CACNA2D1: variants seen among roughly 807,000 people sequenced by gnomAD.
The protein encoded by CACNA2D1 is calcium voltage-gated channel auxiliary subunit alpha2delta 1, also known as voltage-dependent calcium channel subunit alpha-2/delta-1.
CACNA2D1 carries 53 observed loss-of-function variants against 171.5 expected under a neutral mutation model. The observed-to-expected ratio is 0.31, with a 90% CI of 0.25 to 0.39. CACNA2D1 has a LOEUF of 0.39. Among genes scored for constraint, CACNA2D1 ranks in the 10% least tolerant of loss-of-function variants. The pLI is 1.00. For missense variants in CACNA2D1, 903 were observed against 1,299.8 expected (o/e 0.69, Z 4.69); for synonymous variants, 442 against 443.1 (o/e 1.00, Z 0.03).
chr7:82,239,734 T>G (rs1353604505), intron 3 of CACNA2D1, among the ~76,000 whole-genome samples: 1 of 152,066 alleles, frequency 6.6e-6, no homozygotes, highest in African/African-American at 2.4e-5. Context: ...TTCATTAGAT[T>G]AGGAGTCAAC....
chr7:82,339,406 T>G (rs1467605111), intron 2 of CACNA2D1, among the ~76,000 whole-genome samples: 2 of 152,232 alleles, frequency 1.3e-5, no homozygotes, highest in African/African-American at 4.8e-5. Flanking sequence ...TCAAGATTTC[T>G]GCCATATCCA....
rs1400978030 is a variant in CACNA2D1, at chr7:82,092,663, G to C, written c.527-7763C>G. Among the ~76,000 whole-genome samples the C allele has an allele frequency of 5.3e-5, 8 of 150,452 alleles. No individual in the cohort carries two copies. The East Asian group carries it at 1.6e-3, about 29-fold the overall frequency. On this transcript the variant is annotated intron_variant, in intron 6 of 38. Transcript: ENST00000356860. ...CCACCTCGGCCTCCCAAAGTGCTGG[G>C]ATTACAGGTGTGAGCCACCATGCCC...
chr7:82,063,404 TTC>T (rs1480989873), intron 9 of CACNA2D1, among the ~76,000 whole-genome samples: 2 of 152,174 alleles, frequency 1.3e-5, no homozygotes, highest in Non-Finnish European at 2.9e-5. Flanking sequence ...TTCATTTATC[TTC>T]TCTTTCTCAG....
intron 1 of CACNA2D1, among the ~76,000 whole-genome samples, chr7:82,397,377 T>C (rs993889038): frequency 1.3e-5 from 2 of 152,222 alleles, no homozygotes; most frequent in African/African-American, 4.8e-5. Flanking sequence ...CAGTCTTCTC[T>C]TAGCTCTTTA....
At chr7:81,965,783 T>G in intron 31 of CACNA2D1, 118 bp from the exon 32 acceptor site, 2 of 717,136 alleles carry the variant, frequency 2.8e-6, no homozygotes, top group Non-Finnish European at 5.1e-6. Flanking sequence ...AATGCCTATC[T>G]TCTCTTGAAC....
intron 1 of CACNA2D1, among the ~76,000 whole-genome samples, chr7:82,376,432 A>G (rs2129448817): frequency 6.6e-6 from 1 of 152,334 alleles, no homozygotes; most frequent in East Asian, 1.9e-4. Context: ...CTTTAAAGGG[A>G]AACAACCATG....
intron 10 of CACNA2D1, among the ~76,000 whole-genome samples, chr7:82,042,354 C>T (rs751440435): frequency 6.6e-6 from 1 of 152,022 alleles, no homozygotes; most frequent in South Asian, 2.1e-4. Context: ...ATATTAAAAA[C>T]CTTAGAGCAA....
intron 5 of CACNA2D1, among the ~76,000 whole-genome samples, chr7:82,136,321 G>T (rs968793884): frequency 6.6e-6 from 1 of 151,978 alleles, no homozygotes; most frequent in Non-Finnish European, 1.5e-5. Flanking sequence ...GAAGTAGATG[G>T]GATTGGATAG....
intron 3 of CACNA2D1, among the ~76,000 whole-genome samples, chr7:82,184,581 C>G: frequency 6.6e-6 from 1 of 152,200 alleles, no homozygotes; most frequent in South Asian, 2.1e-4. Context: ...AATTCTCATA[C>G]TATTATCCTG....
chr7:82,258,051 T>C (rs1309342432), intron 3 of CACNA2D1, among the ~76,000 whole-genome samples: 1 of 152,052 alleles, frequency 6.6e-6, no homozygotes, highest in Admixed American at 6.6e-5. Flanking sequence ...GGTAAAGCCA[T>C]TTGCTTCTAC....
At chr7:82,337,853 CT>C (rs2129444641) in intron 2 of CACNA2D1, among the ~76,000 whole-genome samples, 2 of 152,308 alleles carry the variant, frequency 1.3e-5, no homozygotes, top group South Asian at 4.1e-4. Flanking sequence ...TGCTGCCACC[CT>C]GACATAAGTC....
At chr7:81,974,375 T>C in intron 25 of CACNA2D1, 80 bp downstream of exon 25, 1 of 725,472 alleles carries the variant, frequency 1.4e-6, no homozygotes, top group Non-Finnish European at 2.5e-6. Flanking sequence ...TATAAAGTAA[T>C]ATGATTATCG....
intron 11 of CACNA2D1, among the ~76,000 whole-genome samples, chr7:82,035,906 C>T (rs1803240888): frequency 1.3e-5 from 2 of 152,100 alleles, no homozygotes; most frequent in South Asian, 4.1e-4. Flanking sequence ...GAACATACAA[C>T]ATTTAACAAA....
At chr7:82,168,932 T>C (rs1488287206) in intron 4 of CACNA2D1, among the ~76,000 whole-genome samples, 1 of 152,050 alleles carries the variant, frequency 6.6e-6, no homozygotes, top group African/African-American at 2.4e-5. Flanking sequence ...TCCGAATTAC[T>C]GAAGATTCAA....
intron 4 of CACNA2D1, among the ~76,000 whole-genome samples, chr7:82,153,320 C>T (rs758078173): frequency 1.3e-5 from 2 of 151,832 alleles, no homozygotes; most frequent in African/African-American, 2.4e-5. Flanking sequence ...ACACTAAAAG[C>T]AAACTAGTTA....
Position 82,366,903 on chromosome 7 carries a change from C to CTTTTTTTTTTTTTT in CACNA2D1, c.96-17268_96-17255dup, listed in dbSNP as rs71093376. ...CCTGCCAGCATCCACTGGTTTTGAC[C>CTTTTTTTTTTTTTT]TTTTTTTTTTTTTTTTTTTTTTTGA... On this transcript the variant is annotated intron_variant, in intron 1 of 38. Transcript: ENST00000356860. 1.9e-3 allele frequency among the ~76,000 whole-genome samples: 166 copies of CTTTTTTTTTTTTTT among 86,958 alleles called. 6 individuals are homozygous for CTTTTTTTTTTTTTT. The highest frequency in any genetic ancestry group is 3.0e-3 in the Non-Finnish European group (132 of 43,360). 57.0% of individuals were successfully genotyped at this position (86,958 alleles called of 152,430 possible). A position where few individuals can be genotyped will look rare whatever the true frequency, so the allele number is the denominator to read the frequency against.
At chr7:82,367,888 T>A (rs564495077) in intron 1 of CACNA2D1, among the ~76,000 whole-genome samples, 1 of 152,244 alleles carries the variant, frequency 6.6e-6, no homozygotes, top group South Asian at 2.1e-4. Flanking sequence ...TCTTTTAAAG[T>A]TATGTGCAAA....
chr7:82,064,354 C>A lies in CACNA2D1; in HGVS notation c.729G>T (p.Trp243Cys). The A allele has an allele frequency of 6.3e-7, 1 of 1,599,940 alleles. No individual in the cohort carries two copies. Among genetic ancestry groups the A allele is most frequent in the Non-Finnish European group, 8.6e-7 (1 of 1,168,088 alleles). Residue 243 changes from tryptophan to cysteine, a missense_variant and splice_region_variant, in exon 9 of 39, where the codon TGG becomes TGT. By Grantham distance (215) the Trp-to-Cys change is radical. Coordinates refer to ENST00000356860, the MANE Select transcript of CACNA2D1 (RefSeq NM_000722.4). ...TAGGAGATGCAGCTCCTTGGATGTA[C>A]CTGAAACAAATATTGTAATAAATGC... ...IDLYDVRRRP[W>C]YIQGAASPKD...
intron 7 of CACNA2D1, among the ~76,000 whole-genome samples, chr7:82,067,316 G>A (rs923973132): frequency 1.3e-5 from 2 of 152,048 alleles, no homozygotes; most frequent in Non-Finnish European, 2.9e-5. Context: ...AGTAGTCCCC[G>A]TACTTGGACA....
Sources: gnomAD v4.1 joint callset for allele counts (sites outside exome capture counted in the v4.1 genomes callset) on GRCh38, gnomAD v4.1.1 for gene constraint, MANE v1.5 for transcripts, NCBI Gene and HGNC (gene_info 2026-07-23, HGNC 2026-07-21) for gene names.